TMEM108: variants seen among roughly 807,000 people sequenced by gnomAD.
TMEM108 encodes transmembrane protein 108, also known as cancer/testis antigen 124.
TMEM108 carries 12 observed loss-of-function variants against 35.1 expected under a neutral mutation model. The observed-to-expected ratio is 0.34, with a 90% CI of 0.22 to 0.55. The LOEUF (loss-of-function observed/expected upper bound fraction) is 0.55. TMEM108 is among the 20% of genes least tolerant of loss of function. TMEM108 has a pLI of 0.89. For missense variants in TMEM108, 680 were observed against 753.3 expected (o/e 0.90, Z 1.14); for synonymous variants, 287 against 308.6 (o/e 0.93, Z 0.73).
At chr3:133,126,576 T>A (rs965222819) in intron 2 of TMEM108, among the ~76,000 whole-genome samples, 1 of 151,984 alleles carries the variant, frequency 6.6e-6, no homozygotes, top group Non-Finnish European at 1.5e-5. Context: ...AGTATGAGCT[T>A]TATATATAAT....
intron 2 of TMEM108, among the ~76,000 whole-genome samples, chr3:133,175,982 C>A (rs929338357): frequency 4.1e-4 from 62 of 152,116 alleles, no homozygotes; most frequent in Non-Finnish European, 7.9e-4. Flanking sequence ...GGAAGATCTA[C>A]CAAGCAAATG....
intron 3 of TMEM108, among the ~76,000 whole-genome samples, chr3:133,295,001 C>T (rs535353666): frequency 2.0e-5 from 3 of 152,246 alleles, no homozygotes; most frequent in South Asian, 2.1e-4. Context: ...ATCAAGTAAA[C>T]GGAAGTCTTT....
At chr3:133,186,380 A>G (rs1325570133) in intron 2 of TMEM108, among the ~76,000 whole-genome samples, 2 of 152,238 alleles carry the variant, frequency 1.3e-5, no homozygotes, top group African/African-American at 4.8e-5. Flanking sequence ...CTACTGTTCT[A>G]TTATAAATGC....
chr3:133,371,613 C>CAAAAAAAAAAAAAA (rs3054624), intron 3 of TMEM108, among the ~76,000 whole-genome samples: 17 of 78,096 alleles, frequency 2.2e-4, no homozygotes, highest in African/African-American at 9.4e-4. Context: ...CACAAACCCA[C>CAAAAAAAAAAAAAA]AAAAAAAAAA....
At chr3:133,074,957 A>G (rs1398339981) in intron 2 of TMEM108, among the ~76,000 whole-genome samples, 1 of 151,976 alleles carries the variant, frequency 6.6e-6, no homozygotes, top group African/African-American at 2.4e-5. Context: ...TTTTGAGTAT[A>G]TTATAAAATA....
intron 3 of TMEM108, among the ~76,000 whole-genome samples, chr3:133,316,972 G>C (rs1033038779): frequency 6.6e-6 from 1 of 152,206 alleles, no homozygotes; most frequent in Admixed American, 6.5e-5. Flanking sequence ...TAAGTAAAAG[G>C]GATCTGCAGC....
chr3:133,286,522 G>T (rs992521558), intron 3 of TMEM108, among the ~76,000 whole-genome samples: 1 of 152,034 alleles, frequency 6.6e-6, no homozygotes, highest in Admixed American at 6.6e-5. Context: ...TTTTTGTAGA[G>T]ATGGGACTCT....
At chr3:133,199,607 T>G (rs1458720739) in intron 2 of TMEM108, among the ~76,000 whole-genome samples, 2 of 152,198 alleles carry the variant, frequency 1.3e-5, no homozygotes, top group Non-Finnish European at 2.9e-5. Flanking sequence ...CAGCAAATAT[T>G]GCAGAACAGC....
intron 3 of TMEM108, among the ~76,000 whole-genome samples, chr3:133,329,782 A>G (rs1404095770): frequency 6.6e-6 from 1 of 152,196 alleles, no homozygotes; most frequent in African/African-American, 2.4e-5. Context: ...TTTAGCCTTC[A>G]CCCAAAATTG....
At chr3:133,372,127 C>G (rs1451056100) in intron 3 of TMEM108, among the ~76,000 whole-genome samples, 9 of 152,196 alleles carry the variant, frequency 5.9e-5, no homozygotes, top group Non-Finnish European at 2.9e-5. Flanking sequence ...TAGTTGCCCC[C>G]AAGTGTTGCT....
Position 133,309,861 on chromosome 3 carries a change from C to T in TMEM108, c.41-69891C>T, listed in dbSNP as rs1343148973. On this transcript the variant is annotated intron_variant, in intron 3 of 5. Coordinates refer to ENST00000321871, the MANE Select transcript of TMEM108 (RefSeq NM_023943.4). ...GACTACAGGCGCCAGCCGCTACGCC[C>T]GGCTAATTTTTTGTATTTTTAGTAG... Among the ~76,000 whole-genome samples, 10 of 151,932 alleles carry T rather than the reference C, an allele frequency of 6.6e-5. No homozygotes were observed. The East Asian group carries it at 1.2e-3, about 18-fold the overall frequency.
At chr3:133,280,849 G>A (rs140068736) in intron 3 of TMEM108, among the ~76,000 whole-genome samples, 1,753 of 152,274 alleles carry the variant, frequency 0.012, 12 homozygotes, top group Non-Finnish European at 0.018. Context: ...TATCCACATG[G>A]TTTCACATGG....
At chr3:133,352,795 T>C (rs1158188504) in intron 3 of TMEM108, among the ~76,000 whole-genome samples, 3 of 152,208 alleles carry the variant, frequency 2.0e-5, no homozygotes, top group Non-Finnish European at 4.4e-5. Flanking sequence ...AGAGGCTCTC[T>C]GAACCCTATC....
chr3:133,285,718 T>G (rs1946974351), intron 3 of TMEM108, among the ~76,000 whole-genome samples: 1 of 152,206 alleles, frequency 6.6e-6, no homozygotes, highest in South Asian at 2.1e-4. Flanking sequence ...CCCTAGTTTT[T>G]ATGAGTCACT....
chr3:133,279,931 T>A (rs1405611944), intron 3 of TMEM108, among the ~76,000 whole-genome samples: 5 of 152,196 alleles, frequency 3.3e-5, no homozygotes, highest in Non-Finnish European at 7.3e-5. Flanking sequence ...ATGTAAAATA[T>A]AATATTATGC....
chr3:133,143,376 C>A (rs1328893998), intron 2 of TMEM108, among the ~76,000 whole-genome samples: 1 of 150,836 alleles, frequency 6.6e-6, no homozygotes, highest in East Asian at 1.9e-4. Context: ...TCATATTCCC[C>A]AGGATATTAA....
chr3:133,079,928 T>C (rs900666640), intron 2 of TMEM108, among the ~76,000 whole-genome samples: 1 of 152,128 alleles, frequency 6.6e-6, no homozygotes, highest in African/African-American at 2.4e-5. Context: ...CTGAGTGCTT[T>C]CTCTATATAG....
intron 3 of TMEM108, among the ~76,000 whole-genome samples, chr3:133,372,433 C>T (rs1355783980): frequency 2.0e-5 from 3 of 152,142 alleles, no homozygotes; most frequent in African/African-American, 7.2e-5. Context: ...TGGGAAAAGG[C>T]CTATGCTTAC....
At chr3:133,200,469 C>T (rs1030158097) in intron 2 of TMEM108, among the ~76,000 whole-genome samples, 50 of 152,340 alleles carry the variant, frequency 3.3e-4, no homozygotes, top group African/African-American at 1.2e-3. Context: ...CAGTCGTTCT[C>T]ACAGTGGCCA....
Sources: allele counts gnomAD v4.1 joint callset (sites outside exome capture counted in the v4.1 genomes callset), GRCh38; gene constraint gnomAD v4.1.1; transcripts MANE v1.5; gene names NCBI Gene and HGNC (gene_info 2026-07-23, HGNC 2026-07-21).